The following COG5 variants were observed in gnomAD, a reference collection of about 807,000 sequenced individuals.
COG5 encodes component of oligomeric golgi complex 5.
Under a neutral mutation model 110.4 loss-of-function variants are expected in COG5, and 86 were observed. The observed-to-expected ratio is 0.78, with a 90% CI of 0.65 to 0.93. COG5 has a LOEUF of 0.93. Among genes scored for constraint, COG5 ranks in the 40% least tolerant of loss-of-function variants. COG5 has a pLI of 0.00. For missense variants in COG5, 1,077 were observed against 987.0 expected, an observed-to-expected ratio of 1.09 and a Z score of -1.22; for synonymous variants, 360 against 334.6, an observed-to-expected ratio of 1.08 and a Z score of -0.83.
chr7:107,463,530 A>G (rs897057246), intron 6 of COG5, among the ~76,000 whole-genome samples: 1 of 152,226 alleles, frequency 6.6e-6, no homozygotes, highest in African/African-American at 2.4e-5. Flanking sequence ...ATAGTGTAAG[A>G]ACATAAAATT....
At chr7:107,484,878 G>A (rs974992657) in intron 6 of COG5, among the ~76,000 whole-genome samples, 3 of 152,138 alleles carry the variant, frequency 2.0e-5, no homozygotes, top group South Asian at 2.1e-4. Flanking sequence ...GAATCATTTC[G>A]TAACACACCT....
intron 10 of COG5, among the ~76,000 whole-genome samples, chr7:107,337,887 G>A (rs1810840728): frequency 6.6e-6 from 1 of 152,036 alleles, no homozygotes; most frequent in African/African-American, 2.4e-5. Context: ...ATGCATGAAA[G>A]AAAATATCAT....
intron 6 of COG5, among the ~76,000 whole-genome samples, chr7:107,508,935 C>A (rs945690256): frequency 2.6e-5 from 4 of 152,024 alleles, no homozygotes; most frequent in Non-Finnish European, 5.9e-5. Context: ...GATAAAGCCA[C>A]AAAGATGGGA....
chr7:107,516,416 C>G (rs1216390124), intron 6 of COG5, among the ~76,000 whole-genome samples: 1 of 152,192 alleles, frequency 6.6e-6, no homozygotes, highest in African/African-American at 2.4e-5. Flanking sequence ...CACAGTTTGT[C>G]TTTTTATTCT....
At chr7:107,503,961 T>C (rs1584904281) in intron 6 of COG5, among the ~76,000 whole-genome samples, 1 of 149,220 alleles carries the variant, frequency 6.7e-6, no homozygotes, top group Non-Finnish European at 1.5e-5. Flanking sequence ...ACTTTCTTTT[T>C]CCAATTTGGA....
At chr7:107,520,298 C>A (rs911293160) in intron 6 of COG5, among the ~76,000 whole-genome samples, 2 of 152,096 alleles carry the variant, frequency 1.3e-5, no homozygotes, top group African/African-American at 4.8e-5. Flanking sequence ...CTGGCCAGGG[C>A]AAGCAGGCAA....
intron 6 of COG5, among the ~76,000 whole-genome samples, chr7:107,431,003 A>G (rs1793990781): frequency 6.6e-6 from 1 of 152,314 alleles, no homozygotes; most frequent in East Asian, 1.9e-4. Flanking sequence ...AACCAAAAAA[A>G]CAAACAAACA....
chr7:107,218,553 T>C (rs1799681304), intron 19 of COG5, among the ~76,000 whole-genome samples: 1 of 151,990 alleles, frequency 6.6e-6, no homozygotes. Flanking sequence ...ACCCACACAT[T>C]TACAGTCAAT....
chr7:107,221,621 C>T (rs887653545), intron 19 of COG5, among the ~76,000 whole-genome samples: 1 of 151,728 alleles, frequency 6.6e-6, no homozygotes, highest in African/African-American at 2.4e-5. Flanking sequence ...AAAAATTAGC[C>T]GGGCATGGTA....
intron 6 of COG5, among the ~76,000 whole-genome samples, chr7:107,506,334 C>G (rs142090366): frequency 5.6e-4 from 85 of 152,280 alleles, no homozygotes; most frequent in African/African-American, 2.0e-3. Context: ...TGGGCAGGGC[C>G]ATAAAGCTCC....
At chr7:107,318,500 T>C (rs1346874808) in intron 11 of COG5, among the ~76,000 whole-genome samples, 3 of 152,242 alleles carry the variant, frequency 2.0e-5, no homozygotes, top group Non-Finnish European at 4.4e-5. Flanking sequence ...AACAGATGCA[T>C]TGCAACTACA....
At chr7:107,241,737 C>A (rs937040082) in intron 17 of COG5, among the ~76,000 whole-genome samples, 3 of 152,086 alleles carry the variant, frequency 2.0e-5, no homozygotes, top group African/African-American at 7.2e-5. Context: ...CAGGCGTGAG[C>A]CACCGCGCCC....
chr7:107,251,233 T>C lies in COG5; in HGVS notation c.1750-2734A>G, dbSNP rs367649989. ...GGAGGCCAGAAAACAGTGGAACATA[T>C]TTTAAGTGCTAAGAGAAAAACATCT... is the stretch of plus-strand genomic sequence containing the variant. On this transcript the variant is annotated intron_variant, in intron 16 of 21. Transcript: ENST00000297135. Among the ~76,000 whole-genome samples, 8 of 152,152 alleles carry C rather than the reference T, an allele frequency of 5.3e-5. No individual in the cohort carries two copies. In the East Asian group the frequency reaches 1.4e-3, roughly 26 times the overall value.
chr7:107,466,104 G>C (rs989859077), intron 6 of COG5, among the ~76,000 whole-genome samples: 1 of 152,114 alleles, frequency 6.6e-6, no homozygotes, highest in African/African-American at 2.4e-5. Context: ...GCACAAACAT[G>C]GCTATTTGTG....
At chr7:107,248,211 G>C (rs1802196581) in intron 17 of COG5, among the ~76,000 whole-genome samples, 185 bp downstream of exon 17, 1 of 151,896 alleles carries the variant, frequency 6.6e-6, no homozygotes, top group South Asian at 2.1e-4. Context: ...ATGAAAACGA[G>C]AACTGAAAAA....
intron 11 of COG5, among the ~76,000 whole-genome samples, chr7:107,315,422 G>C (rs1354822726): frequency 2.6e-5 from 4 of 152,030 alleles, no homozygotes; most frequent in African/African-American, 7.2e-5. Flanking sequence ...CAACTTCTTT[G>C]AGTGGCTTAA....
intron 18 of COG5, among the ~76,000 whole-genome samples, chr7:107,231,538 C>G (rs961487862): frequency 4.6e-5 from 7 of 152,296 alleles, no homozygotes; most frequent in African/African-American, 1.7e-4. Context: ...TGCTTCTCCA[C>G]TCTTGCTATA....
At chr7:107,315,988 A>G (rs1346283447) in intron 11 of COG5, among the ~76,000 whole-genome samples, 2 of 152,192 alleles carry the variant, frequency 1.3e-5, no homozygotes, top group Non-Finnish European at 2.9e-5. Flanking sequence ...AGAACTGAAA[A>G]CATACGCTGG....
At chr7:107,297,512 G>C (rs946184643) in intron 12 of COG5, among the ~76,000 whole-genome samples, 1 of 132,684 alleles carries the variant, frequency 7.5e-6, no homozygotes, top group Non-Finnish European at 1.5e-5. Flanking sequence ...GCAGTGACGT[G>C]ATCTCAGCTC....
Sources: gnomAD v4.1 joint callset for allele counts (sites outside exome capture counted in the v4.1 genomes callset) on GRCh38, gnomAD v4.1.1 for gene constraint, MANE v1.5 for transcripts, NCBI Gene and HGNC (gene_info 2026-07-23, HGNC 2026-07-21) for gene names.